The following FGF12 variants were observed in gnomAD, a reference collection of about 807,000 sequenced individuals.
FGF12 encodes fibroblast growth factor 12.
In FGF12, 14 loss-of-function variants were observed where a neutral mutation model predicts 23.6. That is an observed-to-expected ratio of 0.59 (90% CI 0.39 to 0.93). The LOEUF (loss-of-function observed/expected upper bound fraction) is 0.93. Among genes scored for constraint, FGF12 ranks in the 40% least tolerant of loss-of-function variants. FGF12 has a pLI of 0.00. For missense variants in FGF12, 175 were observed against 217.8 expected (o/e 0.80, Z 1.24); for synonymous variants, 62 against 77.3 (o/e 0.80, Z 1.04).
chr3:192,447,761 A>C (rs2108800043), intron 2 of FGF12, among the ~76,000 whole-genome samples: 1 of 152,340 alleles, frequency 6.6e-6, no homozygotes, highest in Non-Finnish European at 1.5e-5. Flanking sequence ...TAAATGTTTT[A>C]TTGAAAATAT....
rs1721104265 is a variant in FGF12, at chr3:192,409,363, C to G, written c.14-48825G>C. 1.3e-5 allele frequency among the ~76,000 whole-genome samples: 2 copies of G among 152,154 alleles called. No homozygotes were observed. Among genetic ancestry groups the G allele is most frequent in the South Asian group, 2.1e-4 (1 of 4,824 alleles). On this transcript the variant is annotated intron_variant, in intron 2 of 5. Transcript: ENST00000445105. The surrounding 1 kb of genome is among the most constrained non-coding windows in gnomAD (Gnocchi z 4.8). The stretch of plus-strand genomic sequence containing the variant: ...CTCCCCGCCATGGTCCACCCGGGGC[C>G]GCCGCACCGAGCTGGTCTCCGCACA...
At position 192,143,895 on chromosome 3, in the gene FGF12, T is replaced by G; in HGVS notation, c.*114A>C. The G allele has an allele frequency of 1.4e-6, 1 of 707,380 alleles. No individual in the cohort carries two copies. The highest frequency in any genetic ancestry group is 2.5e-6 in the Non-Finnish European group (1 of 399,372). 43.8% of individuals were successfully genotyped at this position (707,380 alleles called of 1,614,324 possible). ...AGTGCAGAATCTTAGCCACTAGGTC[T>G]TGCGTTGTCATTTTATTTTCCTCTC... On this transcript the variant is annotated 3_prime_UTR_variant, in exon 6 of 6. Coordinates refer to ENST00000445105, the MANE Select transcript of FGF12 (RefSeq NM_004113.6).
chr3:192,633,472 A>T (rs1715467695), intron 2 of FGF12, among the ~76,000 whole-genome samples: 1 of 152,148 alleles, frequency 6.6e-6, no homozygotes, highest in Non-Finnish European at 1.5e-5. Flanking sequence ...AATTTGGGAA[A>T]ACACGATTCA....
In FGF12 at chr3:192,717,189, T is replaced by C. The variant is rs146647435; in HGVS notation, c.13+9992A>G. Among the ~76,000 whole-genome samples the C allele has an allele frequency of 7.6e-4, 115 of 152,314 alleles. 1 individual carries two copies. Among genetic ancestry groups the C allele is most frequent in the African/African-American group, 2.7e-3 (113 of 41,560 alleles). Reference sequence around the variant, plus strand: ...CAGTAACAAAGGAAGGTTGATTGGCTTATAAGACTATACTAAAGTATGCCT... The same window carrying C: ...CAGTAACAAAGGAAGGTTGATTGGCCTATAAGACTATACTAAAGTATGCCT... On this transcript the variant is annotated intron_variant, in intron 2 of 5. Coordinates refer to ENST00000445105, the MANE Select transcript of FGF12 (RefSeq NM_004113.6).
chr3:192,559,846 A>AT (rs1239683599), intron 2 of FGF12, among the ~76,000 whole-genome samples: 1 of 54 alleles, frequency 0.019, no homozygotes, highest in Non-Finnish European at 0.042. Context: ...TTAATGAATT[A>AT]AAAAAATCAG....
chr3:192,510,753 T>C (rs115352423), intron 2 of FGF12, among the ~76,000 whole-genome samples: 2,522 of 152,286 alleles, frequency 0.017, 65 homozygotes, highest in African/African-American at 0.058. Context: ...GATAAATAAA[T>C]TGTGGTACAT....
chr3:192,347,737 T>G (rs936605500), intron 3 of FGF12, among the ~76,000 whole-genome samples: 1 of 152,172 alleles, frequency 6.6e-6, no homozygotes, highest in Admixed American at 6.5e-5. Flanking sequence ...CAAAAATGGC[T>G]TCTTACCCAA....
At chr3:192,147,201 T>C (rs73056487) in intron 5 of FGF12, among the ~76,000 whole-genome samples, 2,837 of 152,330 alleles carry the variant, frequency 0.019, 79 homozygotes, top group African/African-American at 0.065. Flanking sequence ...AGCAATAGAT[T>C]AAATGTAATT....
intron 4 of FGF12, among the ~76,000 whole-genome samples, chr3:192,226,850 C>T (rs902631870): frequency 6.6e-6 from 1 of 152,100 alleles, no homozygotes; most frequent in Non-Finnish European, 1.5e-5. Flanking sequence ...GATTTACTCA[C>T]TCCACTATAC....
chr3:192,621,333 G>T (rs1198489483), intron 2 of FGF12, among the ~76,000 whole-genome samples: 1 of 152,020 alleles, frequency 6.6e-6, no homozygotes, highest in Non-Finnish European at 1.5e-5. Context: ...AAAAGTTACT[G>T]TGTGAAATTA....
At chr3:192,630,200 A>T (rs1715330986) in intron 2 of FGF12, among the ~76,000 whole-genome samples, 1 of 152,094 alleles carries the variant, frequency 6.6e-6, no homozygotes, top group African/African-American at 2.4e-5. Flanking sequence ...GGCTTCTGCC[A>T]TCATTGTAAG....
intron 2 of FGF12, among the ~76,000 whole-genome samples, chr3:192,632,127 T>C (rs949419262): frequency 6.6e-6 from 1 of 152,184 alleles, no homozygotes; most frequent in Non-Finnish European, 1.5e-5. Flanking sequence ...AATTCCATAT[T>C]ACACTTACGA....
chr3:192,300,136 G>A (rs1415230069), intron 4 of FGF12, among the ~76,000 whole-genome samples: 1 of 152,182 alleles, frequency 6.6e-6, no homozygotes, highest in African/African-American at 2.4e-5. Flanking sequence ...GGCATGCTCA[G>A]GAAGACACTG....
At chr3:192,367,584 G>A (rs1719039270) in intron 2 of FGF12, among the ~76,000 whole-genome samples, 1 of 152,094 alleles carries the variant, frequency 6.6e-6, no homozygotes, top group South Asian at 2.1e-4. Flanking sequence ...ATTTGAAAAG[G>A]GACAGAACTT....
intron 2 of FGF12, among the ~76,000 whole-genome samples, chr3:192,520,442 T>G (rs1372588326): frequency 2.0e-5 from 3 of 152,100 alleles, no homozygotes; most frequent in Non-Finnish European, 4.4e-5. Flanking sequence ...GAGAAACACT[T>G]ATTACAAGAG....
rs1308626499 is a variant in FGF12, at chr3:192,363,949, T to C, written c.14-3411A>G. On this transcript the variant is annotated intron_variant, in intron 2 of 5. Coordinates refer to ENST00000445105, the MANE Select transcript of FGF12 (RefSeq NM_004113.6). ...CCCAGTCTAATGCATGAAACATATT[T>C]GTGTATAATACCAGTGTGGGAGAGC... is the stretch of plus-strand genomic sequence containing the variant. Among the ~76,000 whole-genome samples, 4 of 152,276 alleles carry C rather than the reference T, an allele frequency of 2.6e-5. No homozygotes were observed. In the East Asian group the frequency reaches 7.7e-4, roughly 29 times the overall value.
intron 4 of FGF12, among the ~76,000 whole-genome samples, chr3:192,189,260 G>T (rs1159212401): frequency 2.0e-5 from 3 of 152,158 alleles, no homozygotes; most frequent in South Asian, 2.1e-4. Flanking sequence ...AATGGAGAAA[G>T]ACAATATTAA....
At chr3:192,673,505 C>G (rs1263830488) in intron 2 of FGF12, among the ~76,000 whole-genome samples, 1 of 150,698 alleles carries the variant, frequency 6.6e-6, no homozygotes, top group African/African-American at 2.4e-5. Context: ...ATTAAGCCCC[C>G]CATGCATTAG....
chr3:192,498,480 T>C (rs372767567), intron 2 of FGF12, among the ~76,000 whole-genome samples: 2 of 152,236 alleles, frequency 1.3e-5, no homozygotes, highest in African/African-American at 2.4e-5. Flanking sequence ...TAAAAATGCA[T>C]GTAGGTCCTA....
Sources: allele counts gnomAD v4.1 joint callset (sites outside exome capture counted in the v4.1 genomes callset), GRCh38; gene constraint gnomAD v4.1.1; non-coding constraint Gnocchi (gnomAD v3.1); transcripts MANE v1.5; gene names NCBI Gene and HGNC (gene_info 2026-07-23, HGNC 2026-07-21).